The following ADGRL3 variants were observed in gnomAD, a reference collection of about 807,000 sequenced individuals.
ADGRL3 encodes adhesion G protein-coupled receptor L3, also known as calcium-independent alpha-latrotoxin receptor 3.
ADGRL3 carries 62 observed loss-of-function variants against 153.5 expected under a neutral mutation model. The ratio of observed to expected loss-of-function variants is 0.40; its 90% CI spans 0.33 to 0.50. The LOEUF (loss-of-function observed/expected upper bound fraction) is 0.50. Ranked by LOEUF, ADGRL3 falls within the 20% of genes least tolerant of loss-of-function variation. The probability of loss-of-function intolerance (pLI) is 0.47; values close to 1 mark genes in which losing one functional copy is unlikely to be tolerated. For missense variants in ADGRL3, 1,641 were observed against 1,859.4 expected (o/e 0.88, Z 2.16); for synonymous variants, 710 against 672.5 (o/e 1.06, Z -0.86).
At chr4:62,009,962 A>G (rs1306873492) in intron 21 of ADGRL3, among the ~76,000 whole-genome samples, 4 of 152,266 alleles carry the variant, frequency 2.6e-5, no homozygotes, top group African/African-American at 9.6e-5. Context: ...TATAAAGCCT[A>G]CAACTCAGAA....
intron 1 of ADGRL3, among the ~76,000 whole-genome samples, chr4:61,236,056 C>T (rs1370610027): frequency 7.9e-6 from 1 of 126,352 alleles, no homozygotes; most frequent in Non-Finnish European, 1.6e-5. Context: ...GTTGCCCAGG[C>T]TGGAGTGCAG....
chr4:61,248,101 G>A (rs950356881), intron 1 of ADGRL3, among the ~76,000 whole-genome samples: 31 of 152,094 alleles, frequency 2.0e-4, no homozygotes, highest in African/African-American at 6.3e-4. Context: ...TGCTCTATGT[G>A]TGAAATGCAG....
chr4:61,968,305 C>G (rs1475540796), intron 17 of ADGRL3, among the ~76,000 whole-genome samples: 1 of 152,022 alleles, frequency 6.6e-6, no homozygotes, highest in African/African-American at 2.4e-5. Flanking sequence ...GCTTTTTGTC[C>G]TAAACTACAC....
At chr4:61,847,636 A>ATATAATATAAAATATAT (rs1561350579) in intron 9 of ADGRL3, among the ~76,000 whole-genome samples, 23 of 10,470 alleles carry the variant, frequency 2.2e-3, no homozygotes, top group Non-Finnish European at 5.3e-3. Flanking sequence ...AAAATATATT[A>ATATAATATAAAATATAT]TATATATAAT....
intron 8 of ADGRL3, among the ~76,000 whole-genome samples, chr4:61,741,798 G>A (rs577142921): frequency 4.0e-4 from 61 of 152,204 alleles, no homozygotes; most frequent in Non-Finnish European, 7.9e-4. Flanking sequence ...CCTTCCAAAT[G>A]GATGAGAGAA....
intron 9 of ADGRL3, among the ~76,000 whole-genome samples, chr4:61,841,114 C>T (rs982236367): frequency 6.6e-6 from 1 of 152,144 alleles, no homozygotes; most frequent in Non-Finnish European, 1.5e-5. Context: ...GAGCTTACCT[C>T]CTCCCCCTTT....
chr4:61,338,577 A>G (rs1421355174), intron 1 of ADGRL3, among the ~76,000 whole-genome samples: 1 of 152,166 alleles, frequency 6.6e-6, no homozygotes, highest in African/African-American at 2.4e-5. Flanking sequence ...AGCATTATAA[A>G]TGTATCATTT....
intron 9 of ADGRL3, among the ~76,000 whole-genome samples, chr4:61,886,858 G>T (rs1020152609): frequency 8.6e-5 from 13 of 151,654 alleles, no homozygotes; most frequent in African/African-American, 3.2e-4. Context: ...TGTTGGCCAG[G>T]CTGGTCTCAA....
chr4:61,479,788 T>G (rs1411338688), intron 2 of ADGRL3, among the ~76,000 whole-genome samples: 3 of 152,122 alleles, frequency 2.0e-5, no homozygotes, highest in Non-Finnish European at 4.4e-5. Flanking sequence ...TTCCTAATGA[T>G]ATGGGTTCTC....
rs187436104 is a variant in ADGRL3, at chr4:61,234,543, G to T, written c.-240+32778G>T. On this transcript the variant is annotated intron_variant, in intron 1 of 26. Coordinates refer to ENST00000683033, the MANE Select transcript of ADGRL3 (RefSeq NM_001387552.1). ...TTCTAGGAGGAAGCAGAAAGAATGG[G>T]CATAGAATATGGCCAAGGAGAAAGC... is the stretch of plus-strand genomic sequence containing the variant. Among the ~76,000 whole-genome samples the T allele has an allele frequency of 2.9e-4, 44 of 152,244 alleles. No homozygotes were observed. In the East Asian group the frequency reaches 7.7e-3, roughly 27 times the overall value.
rs191363983 is a variant in ADGRL3 at position 61,520,093 on chromosome 4, T to C, written c.259+2575T>C. Among the ~76,000 whole-genome samples the C allele has an allele frequency of 3.5e-4, 53 of 152,282 alleles. No homozygotes were observed. In the Middle Eastern group the frequency reaches 0.01, roughly 29 times the overall value. On this transcript the variant is annotated intron_variant, in intron 4 of 26. Coordinates refer to ENST00000683033, the MANE Select transcript of ADGRL3 (RefSeq NM_001387552.1). ...CTTGATAGCTAATAGCACTTGAGAGTTAATGAGTATTTGGATTCATACAAA... is the reference window on the plus strand; with the variant it reads ...CTTGATAGCTAATAGCACTTGAGAGCTAATGAGTATTTGGATTCATACAAA...
intron 17 of ADGRL3, among the ~76,000 whole-genome samples, chr4:61,963,882 G>C (rs185368588): frequency 9.9e-5 from 15 of 152,278 alleles, no homozygotes; most frequent in Admixed American, 6.5e-4. Flanking sequence ...AAGAAAAAAA[G>C]TAATCAAGTA....
At chr4:61,700,442 T>G (rs2095735104) in intron 6 of ADGRL3, among the ~76,000 whole-genome samples, 1 of 152,130 alleles carries the variant, frequency 6.6e-6, no homozygotes, top group Admixed American at 6.6e-5. Context: ...TACAAAACGG[T>G]TTTATAGAAT....
chr4:61,991,256 T>G (rs1426983785), intron 19 of ADGRL3, among the ~76,000 whole-genome samples: 1 of 152,000 alleles, frequency 6.6e-6, no homozygotes, highest in Non-Finnish European at 1.5e-5. Flanking sequence ...ATTCTTGTTT[T>G]ATTTTTACTT....
intron 2 of ADGRL3, among the ~76,000 whole-genome samples, chr4:61,388,371 T>C (rs1212784155): frequency 2.0e-5 from 3 of 152,152 alleles, no homozygotes; most frequent in Non-Finnish European, 4.4e-5. Flanking sequence ...CTGGAGAAGG[T>C]CTATTTTCCA....
Position 61,523,068 on chromosome 4 carries a change from T to TGC in ADGRL3, c.259+5551_259+5552insCG, listed in dbSNP as rs1340906136. On this transcript the variant is annotated intron_variant, in intron 4 of 26. Transcript: ENST00000683033. Reference sequence around the variant, plus strand: ...GGTCTGAAAATTGTGCGTGTGTGTGTGTGTGTCTGTGTGTATGTACGTGTG... The same window carrying TGC: ...GGTCTGAAAATTGTGCGTGTGTGTGTGCGTGTGTCTGTGTGTATGTACGTGTG... Among the ~76,000 whole-genome samples, 3 of 151,584 alleles carry TGC rather than the reference T, an allele frequency of 2.0e-5. No individual in the cohort carries two copies. In the East Asian group the frequency reaches 5.8e-4, roughly 29 times the overall value.
intron 8 of ADGRL3, among the ~76,000 whole-genome samples, chr4:61,765,016 A>G (rs1487093514): frequency 1.3e-5 from 2 of 152,118 alleles, no homozygotes; most frequent in South Asian, 2.1e-4. Flanking sequence ...TAAAAGGTCT[A>G]AGAATTGGGA....
chr4:61,593,714 T>G (rs1419042625), intron 5 of ADGRL3, among the ~76,000 whole-genome samples: 5 of 152,130 alleles, frequency 3.3e-5, no homozygotes, highest in Non-Finnish European at 7.4e-5. Flanking sequence ...GTTTTTTCCC[T>G]CTGGCTGCTT....
rs539143346 is a variant in ADGRL3 at position 61,776,189 on chromosome 4, G to C, written c.1400-37620G>C. ...TGCTGGGATTACAGGCGTGAGCCAC[G>C]GCGCCAAGCCCTGAAGCCGAATCTT... On this transcript the variant is annotated intron_variant, in intron 8 of 26. Transcript: ENST00000683033. Among the ~76,000 whole-genome samples the C allele has an allele frequency of 9.2e-5, 14 of 152,092 alleles. No homozygotes were observed. In the East Asian group the frequency reaches 2.7e-3, roughly 30 times the overall value.
Sources: allele counts gnomAD v4.1 joint callset (sites outside exome capture counted in the v4.1 genomes callset), GRCh38; gene constraint gnomAD v4.1.1; transcripts MANE v1.5; gene names NCBI Gene and HGNC (gene_info 2026-07-23, HGNC 2026-07-21).